LHFPL4: variants seen among roughly 807,000 people sequenced by gnomAD.
The protein encoded by LHFPL4 is LHFPL tetraspan subfamily member 4.
A neutral mutation model predicts 20.0 loss-of-function variants in LHFPL4; 6 were observed. The ratio of observed to expected loss-of-function variants is 0.30; its 90% CI spans 0.16 to 0.59. LHFPL4 has a LOEUF of 0.59. Ranked by LOEUF, LHFPL4 falls within the 20% of genes least tolerant of loss-of-function variation. The probability of loss-of-function intolerance (pLI) is 0.88; values close to 1 mark genes in which losing one functional copy is unlikely to be tolerated. For synonymous variants in LHFPL4, 129 were observed against 143.8 expected (o/e 0.90, Z 0.74); for missense variants, 215 against 331.2 (o/e 0.65, Z 2.72).
Position 9,552,436 on chromosome 3 carries a change from T to A in LHFPL4, c.244A>T (p.Thr82Ser), listed in dbSNP as rs751353317. The change falls in exon 2 of 4, where the codon ACC becomes TCC. Residue 82 changes from threonine to serine, a missense_variant. By Grantham distance (58) the Thr-to-Ser change is moderately conservative. Transcript: ENST00000287585. The stretch of plus-strand genomic sequence containing the variant: ...CTGGACGGGATGGTGCTGAAGTCGG[T>A]GAAGGAGCCCCGGCAGGTGAGCTCG... ...GRELTCRGSF[T>S]DFSTIPSSAF... 8.1e-6 allele frequency: 13 copies of A among 1,613,224 alleles called. No individual in the cohort carries two copies. In the East Asian group the frequency reaches 2.9e-4, roughly 36 times the overall value.
intron 2 of LHFPL4, among the ~76,000 whole-genome samples, chr3:9,512,789 G>A (rs2046269991): frequency 6.6e-6 from 1 of 152,182 alleles, no homozygotes; most frequent in South Asian, 2.1e-4. Context: ...CCATTCAGCT[G>A]CCTGGAATGC....
chr3:9,537,201 G>A (rs987780718), intron 2 of LHFPL4, among the ~76,000 whole-genome samples: 1 of 152,074 alleles, frequency 6.6e-6, no homozygotes, highest in Non-Finnish European at 1.5e-5. Context: ...CATTTCCTCT[G>A]GTGCCATTCA....
At chr3:9,513,402 G>C (rs1226793757) in intron 2 of LHFPL4, among the ~76,000 whole-genome samples, 1 of 152,092 alleles carries the variant, frequency 6.6e-6, no homozygotes, top group East Asian at 1.9e-4. Context: ...TGGGATCATG[G>C]CTCACTGCGT....
rs114912140 is a variant in LHFPL4 at position 9,505,863 on chromosome 3, T to A, written c.643+104A>T. 7.5e-3 allele frequency: 8,489 copies of A among 1,133,324 alleles called. 45 individuals are homozygous for A. Among genetic ancestry groups the A allele is most frequent in the Non-Finnish European group, 9.3e-3 (7,199 of 770,262 alleles). 70.2% of individuals were successfully genotyped at this position (1,133,324 alleles called of 1,614,324 possible). A position where few individuals can be genotyped will look rare whatever the true frequency, so the allele number is the denominator to read the frequency against. ...CGTGAGCCACCACGCCCAGCCAGGG[T>A]TTCCAATTCATGCAACCCTCTTACT... On this transcript the variant is annotated intron_variant, in intron 3 of 3. Transcript: ENST00000287585.
intron 2 of LHFPL4, among the ~76,000 whole-genome samples, chr3:9,548,874 T>C (rs2046534807): frequency 6.6e-6 from 1 of 152,216 alleles, no homozygotes; most frequent in East Asian, 1.9e-4. Context: ...AATTATTCTT[T>C]TTCCACAAGC....
chr3:9,548,265 G>T (rs2046530160), intron 2 of LHFPL4, among the ~76,000 whole-genome samples: 1 of 152,184 alleles, frequency 6.6e-6, no homozygotes, highest in Admixed American at 6.5e-5. Context: ...ATTGTTGTGA[G>T]TATCAAATTA....
intron 2 of LHFPL4, among the ~76,000 whole-genome samples, chr3:9,549,607 G>C (rs904316766): frequency 3.3e-5 from 5 of 152,182 alleles, no homozygotes; most frequent in African/African-American, 4.8e-5. Flanking sequence ...TGAGGCAGGA[G>C]AATCACTTGA....
intron 2 of LHFPL4, among the ~76,000 whole-genome samples, chr3:9,523,634 A>G (rs1161078258): frequency 4.0e-5 from 6 of 151,712 alleles, no homozygotes; most frequent in Admixed American, 3.3e-4. Context: ...CACCATGCCC[A>G]GCTAATTTTT....
At chr3:9,536,022 A>G (rs2125664461) in intron 2 of LHFPL4, among the ~76,000 whole-genome samples, 1 of 152,138 alleles carries the variant, frequency 6.6e-6, no homozygotes, top group Non-Finnish European at 1.5e-5. Context: ...GCTGGTTTTG[A>G]ACTCCTGACT....
At chr3:9,522,477 T>C (rs1389534440) in intron 2 of LHFPL4, among the ~76,000 whole-genome samples, 1 of 151,098 alleles carries the variant, frequency 6.6e-6, no homozygotes, top group Non-Finnish European at 1.5e-5. Context: ...TGGTGGCTCA[T>C]GCCTGTAATC....
At chr3:9,509,385 T>G (rs942281184) in intron 2 of LHFPL4, among the ~76,000 whole-genome samples, 1 of 152,118 alleles carries the variant, frequency 6.6e-6, no homozygotes, top group Non-Finnish European at 1.5e-5. Context: ...CTTTTCTCGC[T>G]TCTCTATATC....
At chr3:9,504,486 C>T (rs2046202035) in intron 3 of LHFPL4, among the ~76,000 whole-genome samples, 1 of 151,990 alleles carries the variant, frequency 6.6e-6, no homozygotes, top group Admixed American at 6.6e-5. Context: ...CACAGATGAC[C>T]ATCATCCTAC....
intron 2 of LHFPL4, among the ~76,000 whole-genome samples, chr3:9,522,552 C>T (rs2046345009): frequency 6.7e-6 from 1 of 148,406 alleles, no homozygotes; most frequent in Non-Finnish European, 1.5e-5. Flanking sequence ...CCAGGCTGGC[C>T]AACATGATGA....
chr3:9,527,508 G>T (rs185150306), intron 2 of LHFPL4, among the ~76,000 whole-genome samples: 2 of 152,198 alleles, frequency 1.3e-5, no homozygotes, highest in Admixed American at 6.5e-5. Flanking sequence ...CTTGAGCCCA[G>T]GAGTCAAAAT....
At chr3:9,539,265 T>C (rs2046462697) in intron 2 of LHFPL4, among the ~76,000 whole-genome samples, 1 of 151,396 alleles carries the variant, frequency 6.6e-6, no homozygotes, top group African/African-American at 2.4e-5. Context: ...ACCAGCCTGG[T>C]CAACATGGCA....
chr3:9,498,865 G>A lies in LHFPL4; in HGVS notation c.*3346C>T, dbSNP rs2046150246. On this transcript the variant is annotated 3_prime_UTR_variant, in exon 4 of 4. Transcript: ENST00000287585. ...GGCCTGAAAAGGATCTTGATTCTTTGGTCCTCACCCCCTCAGGAAAGTTTT... is the reference window on the plus strand; with the variant it reads ...GGCCTGAAAAGGATCTTGATTCTTTAGTCCTCACCCCCTCAGGAAAGTTTT... The A allele has an allele frequency of 6.6e-6, 1 of 152,608 alleles. No individual in the cohort carries two copies. The highest frequency in any genetic ancestry group is 2.4e-5 in the African/African-American group (1 of 41,432). 9.5% of individuals were successfully genotyped at this position (152,608 alleles called of 1,614,324 possible). A position where few individuals can be genotyped will look rare whatever the true frequency, so the allele number is the denominator to read the frequency against.
At chr3:9,513,219 G>C (rs9844551) in intron 2 of LHFPL4, among the ~76,000 whole-genome samples, 80,061 of 152,084 alleles carry the variant, frequency 0.53, 21,574 homozygotes, top group African/African-American at 0.65. Flanking sequence ...CTCGGCCTCC[G>C]AAAGTGCTGG....
intron 2 of LHFPL4, among the ~76,000 whole-genome samples, chr3:9,551,631 G>A (rs1258100652): frequency 6.6e-6 from 1 of 152,188 alleles, no homozygotes; most frequent in Non-Finnish European, 1.5e-5. Flanking sequence ...AGGGGTGGGA[G>A]TGGGGATGGA....
chr3:9,551,220 A>C (rs1334324913), intron 2 of LHFPL4, among the ~76,000 whole-genome samples: 1 of 152,138 alleles, frequency 6.6e-6, no homozygotes, highest in Admixed American at 6.6e-5. Context: ...CACTTGTTGA[A>C]TGTCCTGAGG....
Sources: allele counts gnomAD v4.1 joint callset (sites outside exome capture counted in the v4.1 genomes callset), GRCh38; gene constraint gnomAD v4.1.1; transcripts MANE v1.5; gene names NCBI Gene and HGNC (gene_info 2026-07-23, HGNC 2026-07-21).